Variants in ENOX1 observed in about 807,000 individuals in gnomAD.
ENOX1 encodes candidate growth-related and time keeping constitutive hydroquinone (NADH) oxidase.
A neutral mutation model predicts 82.5 loss-of-function variants in ENOX1; 42 were observed. The ratio of observed to expected loss-of-function variants is 0.51; its 90% CI spans 0.40 to 0.66. ENOX1 has a LOEUF of 0.66. Among genes scored for constraint, ENOX1 ranks in the 30% least tolerant of loss-of-function variants. ENOX1 has a pLI of 0.00. For synonymous variants in ENOX1, 271 were observed against 282.2 expected, an observed-to-expected ratio of 0.96 and a Z score of 0.40; for missense variants, 608 against 811.6, an observed-to-expected ratio of 0.75 and a Z score of 3.05.
chr13:43,272,987 T>C (rs1295207751), intron 12 of ENOX1, among the ~76,000 whole-genome samples: 1 of 152,178 alleles, frequency 6.6e-6, no homozygotes, highest in African/African-American at 2.4e-5. Context: ...CACTACACGC[T>C]CTCTCCAGGG....
chr13:43,359,173 T>C (rs1392956341), intron 7 of ENOX1, among the ~76,000 whole-genome samples: 1 of 141,240 alleles, frequency 7.1e-6, no homozygotes, highest in Non-Finnish European at 1.5e-5. Flanking sequence ...AAAATGGAGG[T>C]GGGGAGTGTG....
intron 5 of ENOX1, among the ~76,000 whole-genome samples, chr13:43,398,376 T>C (rs1431868593): frequency 6.6e-6 from 1 of 152,128 alleles, no homozygotes; most frequent in Non-Finnish European, 1.5e-5. Context: ...TTTGTTTGTT[T>C]CTCCACCAGC....
chr13:43,605,354 C>G (rs1200057072), intron 2 of ENOX1, among the ~76,000 whole-genome samples: 1 of 152,064 alleles, frequency 6.6e-6, no homozygotes, highest in Admixed American at 6.6e-5. Flanking sequence ...ATAGCCAAAG[C>G]TATACCAAGC....
intron 3 of ENOX1, among the ~76,000 whole-genome samples, chr13:43,449,395 G>A (rs1181035138): frequency 3.3e-5 from 5 of 152,174 alleles, no homozygotes; most frequent in Non-Finnish European, 7.3e-5. Flanking sequence ...TGTTGAATCT[G>A]ATAGGGCTAG....
intron 12 of ENOX1, among the ~76,000 whole-genome samples, chr13:43,286,854 T>C (rs2045726302): frequency 6.6e-6 from 1 of 152,252 alleles, no homozygotes; most frequent in South Asian, 2.1e-4. Flanking sequence ...TTAGGGGCTA[T>C]GACACAGAGT....
intron 4 of ENOX1, among the ~76,000 whole-genome samples, chr13:43,412,300 C>T (rs915650767): frequency 6.6e-6 from 1 of 152,050 alleles, no homozygotes; most frequent in South Asian, 2.1e-4. Context: ...AAGGAGGTAC[C>T]CCTGGAAAAA....
chr13:43,667,709 T>A (rs1025333842), intron 1 of ENOX1, among the ~76,000 whole-genome samples, 165 bp from the exon 2 acceptor site: 1 of 152,146 alleles, frequency 6.6e-6, no homozygotes, highest in Non-Finnish European at 1.5e-5. Context: ...TTGGAGAAGG[T>A]CTCCGCATGG....
At chr13:43,284,929 T>TGTAGAGAAGGAGAGTCAGAGACAC (rs934528464) in intron 12 of ENOX1, among the ~76,000 whole-genome samples, 8 of 151,266 alleles carry the variant, frequency 5.3e-5, no homozygotes, top group Non-Finnish European at 1.2e-4. Flanking sequence ...GATAGAAATA[T>TGTAGAGAAGGAGAGTCAGAGACAC]GTAGAGAAGG....
chr13:43,620,507 T>C (rs969559146), intron 2 of ENOX1, among the ~76,000 whole-genome samples: 5 of 152,184 alleles, frequency 3.3e-5, no homozygotes, highest in East Asian at 1.9e-4. Context: ...TCTGACCCAA[T>C]GCTCATTCAG....
intron 1 of ENOX1, among the ~76,000 whole-genome samples, chr13:43,770,557 T>G (rs999346068): frequency 6.6e-6 from 1 of 152,190 alleles, no homozygotes; most frequent in Admixed American, 6.5e-5. Flanking sequence ...ATTAAAAATT[T>G]TATTTATTGA....
chr13:43,487,050 A>C (rs1028370863), intron 2 of ENOX1, among the ~76,000 whole-genome samples: 3 of 152,118 alleles, frequency 2.0e-5, no homozygotes, highest in Admixed American at 6.6e-5. Flanking sequence ...GCATGCCTGT[A>C]ATCCCAGCTA....
chr13:43,500,741 A>G (rs1279019715), intron 2 of ENOX1, among the ~76,000 whole-genome samples: 1 of 151,960 alleles, frequency 6.6e-6, no homozygotes, highest in African/African-American at 2.4e-5. Context: ...AATATAAAGT[A>G]AAAAGATTAG....
chr13:43,561,966 C>CA (rs1402984191), intron 2 of ENOX1, among the ~76,000 whole-genome samples: 130 of 77,412 alleles, frequency 1.7e-3, no homozygotes, highest in Middle Eastern at 0.014. Flanking sequence ...GAGACCCTGT[C>CA]AAAAAAAAGG....
At chr13:43,500,112 G>A (rs927333198) in intron 2 of ENOX1, among the ~76,000 whole-genome samples, 10 of 152,046 alleles carry the variant, frequency 6.6e-5, no homozygotes, top group Non-Finnish European at 1.5e-4. Context: ...GGACTAGCAA[G>A]CAACATCAGC....
chr13:43,254,843 T>C (rs773597069), intron 14 of ENOX1, among the ~76,000 whole-genome samples: 9 of 152,120 alleles, frequency 5.9e-5, no homozygotes, highest in Admixed American at 1.3e-4. Flanking sequence ...CATGGAGACA[T>C]AGAAAATCTG....
chr13:43,440,098 A>G (rs1383081567), intron 3 of ENOX1, among the ~76,000 whole-genome samples: 1 of 152,230 alleles, frequency 6.6e-6, no homozygotes. Context: ...AAATATCTAA[A>G]AGGGTGAATT....
intron 3 of ENOX1, among the ~76,000 whole-genome samples, chr13:43,434,077 T>C (rs1015347284): frequency 1.3e-5 from 2 of 152,214 alleles, no homozygotes; most frequent in African/African-American, 4.8e-5. Context: ...TCCCTGGGAT[T>C]TGATAGCCTA....
intron 9 of ENOX1, among the ~76,000 whole-genome samples, chr13:43,336,738 G>A (rs1445697391): frequency 6.6e-6 from 1 of 152,140 alleles, no homozygotes; most frequent in Non-Finnish European, 1.5e-5. Flanking sequence ...TAAGAACTGT[G>A]GAATCTTAAG....
chr13:43,226,504 T>C lies in ENOX1; in HGVS notation c.1715-2366A>G, dbSNP rs1278376132. On this transcript the variant is annotated intron_variant, in intron 15 of 16. Transcript: ENST00000690772. ...GTTAACTATAATTTCCCTACTGTACTATCAAATACTGGAACTTAGTCCTTC... is the reference window on the plus strand; with the variant it reads ...GTTAACTATAATTTCCCTACTGTACCATCAAATACTGGAACTTAGTCCTTC... 1.1e-4 allele frequency among the ~76,000 whole-genome samples: 16 copies of C among 152,252 alleles called. 1 individual carries two copies. The highest frequency in any genetic ancestry group is 1.0e-3 in the Admixed American group (16 of 15,284).
Sources: allele counts gnomAD v4.1 joint callset (sites outside exome capture counted in the v4.1 genomes callset), GRCh38; gene constraint gnomAD v4.1.1; transcripts MANE v1.5; gene names NCBI Gene and HGNC (gene_info 2026-07-23, HGNC 2026-07-21).